The following MED24 variants were observed in gnomAD, a reference collection of about 807,000 sequenced individuals.
The protein encoded by MED24 is mediator of RNA polymerase II transcription subunit 24.
In MED24, 74 loss-of-function variants were observed where a neutral mutation model predicts 118.8. That is an observed-to-expected ratio of 0.62 (90% CI 0.52 to 0.76). MED24 has a LOEUF of 0.76. MED24 is among the 30% of genes least tolerant of loss of function. MED24 has a pLI of 0.00. For synonymous variants in MED24, 521 were observed against 523.9 expected, an observed-to-expected ratio of 0.99 and a Z score of 0.08; for missense variants, 1,041 against 1,278.9, an observed-to-expected ratio of 0.81 and a Z score of 2.84.
Position 40,021,955 on chromosome 17 carries a change from T to TG in MED24, c.2622dup (p.Thr875HisfsTer110). On this transcript the variant is annotated frameshift_variant and splice_region_variant, in exon 23 of 26. Coordinates refer to ENST00000394128, the MANE Select transcript of MED24 (RefSeq NM_014815.4). LOFTEE classifies it high-confidence loss of function. ...GCGCGCGGCCAGCCCACACACTCAC[T>TG]GGGGCTCGAAAGGATGTTGGCATCG... The TG allele has an allele frequency of 6.3e-7, 1 of 1,593,978 alleles. No homozygotes were observed. Among genetic ancestry groups the TG allele is most frequent in the South Asian group, 1.1e-5 (1 of 88,940 alleles).
Position 40,022,416 on chromosome 17 carries a change from T to C in MED24, c.2501A>G (p.Lys834Arg). ...HKGQASTRQK[K>R]RHREDIEDYI... ...TACCTCAATGTCTTCGCGGTGTCTC[T>C]TCTTCTGGCGGGTGGACGCCTGTCC... Residue 834 changes from lysine (K) to arginine (R), a missense_variant, in exon 22 of 26, where the codon AAG becomes AGG. By Grantham distance (26) the Lys-to-Arg change is conservative. Around this residue, in one of 3 missense-constraint regions of MED24, gnomAD observed 587 missense variants for 694.4 expected, o/e 0.85. Transcript: ENST00000394128. The C allele has an allele frequency of 3.1e-6, 5 of 1,611,022 alleles. No homozygotes were observed. The highest frequency in any genetic ancestry group is 4.2e-6 in the Non-Finnish European group (5 of 1,178,836).
rs1186997598 is a variant in MED24, at chr17:40,035,311, C to G, written c.365G>C (p.Arg122Pro). 6.2e-7 allele frequency: 1 copy of G among 1,607,950 alleles called. No individual in the cohort carries two copies. The highest frequency in any genetic ancestry group is 1.1e-5 in the South Asian group (1 of 90,862). The change falls in exon 6 of 26, where the codon CGA becomes CCA. Residue 122 changes from arginine to proline, a missense_variant. Around this residue, in one of 3 missense-constraint regions of MED24, gnomAD observed 434 missense variants for 514.9 expected, o/e 0.84. Transcript: ENST00000394128. ...CCAGTGGAGGGCGCTAAGAAGGGCT[C>G]GGCACAGTCCGATGCATTCCTCTGC... is the stretch of plus-strand genomic sequence containing the variant. ...GKAEECIGLC[R>P]ALLSALHWLL...
chr17:40,053,427 G>A, intron 2 of MED24, 42 bp downstream of exon 2: 1 of 1,613,444 alleles, frequency 6.2e-7, no homozygotes, highest in Non-Finnish European at 8.5e-7. Context: ...CAACTTCTCT[G>A]GGTTTATCCC....
At chr17:40,045,822 G>T (rs956858929) in intron 3 of MED24, among the ~76,000 whole-genome samples, 1 of 152,156 alleles carries the variant, frequency 6.6e-6, no homozygotes, top group Non-Finnish European at 1.5e-5. Context: ...CTGTCAACCA[G>T]GCTGGAGTAC....
chr17:40,036,294 G>A, intron 3 of MED24, 140 bp from the exon 4 acceptor site: 1 of 778,726 alleles, frequency 1.3e-6, no homozygotes, highest in South Asian at 1.6e-5. Context: ...AGCAAGGAGA[G>A]GCAGTGTCAC....
intron 24 of MED24, 53 bp from the exon 25 acceptor site, chr17:40,019,986 G>A (rs1279284916): frequency 7.8e-6 from 12 of 1,533,710 alleles, no homozygotes; most frequent in Admixed American, 2.0e-5. Flanking sequence ...GAGTGGGTGA[G>A]GTCACACTCT....
intron 11 of MED24, 52 bp from the exon 12 acceptor site, chr17:40,031,297 G>T: frequency 6.7e-7 from 1 of 1,503,118 alleles, no homozygotes; most frequent in Non-Finnish European, 9.1e-7. Context: ...AGGATGGTGA[G>T]GGGTGGGAGT....
Position 40,019,916 on chromosome 17 carries a change from T to C in MED24, c.2722A>G (p.Ile908Val). Residue 908 changes from isoleucine to valine, a missense_variant, in exon 25 of 26, where the codon ATC becomes GTC. By Grantham distance (29) the Ile-to-Val change is conservative. This residue lies in a region of MED24 where 587 missense variants were observed against 694.4 expected (regional missense o/e 0.85). Coordinates refer to ENST00000394128, the MANE Select transcript of MED24 (RefSeq NM_014815.4). ...GTGCGAGACCCCAGGATGGAGGAGA[T>C]GAGCAGGAACAGGTTGGCTGTAGAG... ...NRVLANLFLL[I>V]SSILGSRTAG... 6.4e-7 allele frequency: 1 copy of C among 1,568,164 alleles called. No homozygotes were observed. The highest frequency in any genetic ancestry group is 8.7e-7 in the Non-Finnish European group (1 of 1,155,820).
intron 3 of MED24, among the ~76,000 whole-genome samples, chr17:40,046,619 G>A (rs1285281383): frequency 6.7e-6 from 1 of 149,186 alleles, no homozygotes; most frequent in East Asian, 2.0e-4. Context: ...AGTGGCGGGC[G>A]CCTGTAGTCC....
At chr17:40,038,597 G>C (rs1984213031) in intron 3 of MED24, among the ~76,000 whole-genome samples, 1 of 151,790 alleles carries the variant, frequency 6.6e-6, no homozygotes, top group African/African-American at 2.4e-5. Flanking sequence ...TGTAATCCCA[G>C]CTACTCAGGA....
chr17:40,048,214 TC>T (rs912495715), intron 3 of MED24, among the ~76,000 whole-genome samples: 3 of 152,150 alleles, frequency 2.0e-5, no homozygotes, highest in African/African-American at 7.2e-5. Context: ...TAAACCACTC[TC>T]CTCCTTAAAG....
chr17:40,046,753 A>G (rs2144981369), intron 3 of MED24, among the ~76,000 whole-genome samples: 1 of 151,758 alleles, frequency 6.6e-6, no homozygotes, highest in Non-Finnish European at 1.5e-5. Flanking sequence ...CTCAAAAAAA[A>G]ACAAGAAGAA....
At chr17:40,020,811 G>A (rs895040339) in intron 23 of MED24, among the ~76,000 whole-genome samples, 7 of 151,422 alleles carry the variant, frequency 4.6e-5, no homozygotes, top group African/African-American at 7.3e-5. Context: ...GGTGGCTCAC[G>A]CCTGTAATCC....
chr17:40,027,981 G>A (rs374328635), intron 14 of MED24, 35 bp from the exon 15 acceptor site: 5 of 1,610,900 alleles, frequency 3.1e-6, no homozygotes, highest in Non-Finnish European at 4.2e-6. Context: ...ATTGACCAGG[G>A]CATGAGCTGA....
chr17:40,047,942 C>G (rs1985424820), intron 3 of MED24, among the ~76,000 whole-genome samples: 1 of 152,156 alleles, frequency 6.6e-6, no homozygotes. Flanking sequence ...GTTGGTCAGG[C>G]TGGTCTTGAA....
At chr17:40,048,277 A>G (rs1985462203) in intron 3 of MED24, among the ~76,000 whole-genome samples, 1 of 152,196 alleles carries the variant, frequency 6.6e-6, no homozygotes, top group Non-Finnish European at 1.5e-5. Context: ...CAGGGTCCCC[A>G]AGACCTTTCA....
At position 40,054,071 on chromosome 17, in the gene MED24, T is replaced by TG. The variant is rs1277940597; in HGVS notation, c.-38+289dup. 4.3e-5 allele frequency: 10 copies of TG among 229,924 alleles called. No homozygotes were observed. The Admixed American group carries it at 4.6e-4, about 11-fold the overall frequency. 14.2% of individuals were successfully genotyped at this position (229,924 alleles called of 1,614,324 possible). ...CTTGAACCCGGGAGGCGGAGGTTGTTGGGGTGAGCCGAGATCGCACCATTG... is the reference window on the plus strand; with the variant it reads ...CTTGAACCCGGGAGGCGGAGGTTGTTGGGGGTGAGCCGAGATCGCACCATTG... On this transcript the variant is annotated intron_variant, in intron 1 of 25. Transcript: ENST00000394128.
At chr17:40,034,309 T>C (rs1983705546) in intron 6 of MED24, among the ~76,000 whole-genome samples, 1 of 152,206 alleles carries the variant, frequency 6.6e-6, no homozygotes. Context: ...TATATAAAGA[T>C]TGTCTTTTTG....
Position 40,053,573 on chromosome 17 carries a change from G to A in MED24, c.26C>T (p.Ala9Val), listed in dbSNP as rs1272958727. ...GCGCTCCTTCCAGGCTTGCAAAATG[G>A]CTTGCTTCAGGTTGACCACCTTCAT... MKVVNLKQ[A>V]ILQAWKERWS... The change falls in exon 2 of 26, where the codon GCC (alanine) becomes GTC (valine). Residue 9 changes from alanine (A) to valine (V), a missense_variant. Ala to Val is a moderately conservative substitution (Grantham distance 64). This residue lies in a region of MED24 where 434 missense variants were observed against 514.9 expected (regional missense o/e 0.84). Transcript: ENST00000394128. 5 of 1,614,134 alleles carry A rather than the reference G, an allele frequency of 3.1e-6. No individual in the cohort carries two copies. The highest frequency in any genetic ancestry group is 4.2e-6 in the Non-Finnish European group (5 of 1,180,026).
Sources: gnomAD v4.1 joint callset for allele counts (sites outside exome capture counted in the v4.1 genomes callset) on GRCh38, gnomAD v4.1.1 for gene constraint, gnomAD v4.1.1 regional missense constraint, MANE v1.5 for transcripts, NCBI Gene and HGNC (gene_info 2026-07-23, HGNC 2026-07-21) for gene names.